DDIT4L: variants seen among roughly 807,000 people sequenced by gnomAD.
The protein encoded by DDIT4L is DNA damage inducible transcript 4 like.
A neutral mutation model predicts 15.9 loss-of-function variants in DDIT4L; 13 were observed. The observed-to-expected ratio is 0.82, with a 90% CI of 0.53 to 1.30. DDIT4L has a LOEUF of 1.30. Ranked by LOEUF, DDIT4L falls within the 50% of genes most tolerant of loss-of-function variation. The pLI, the probability that DDIT4L is intolerant of heterozygous loss-of-function variation, is 0.00. For missense variants in DDIT4L, 235 were observed against 224.8 expected (o/e 1.05, Z -0.29); for synonymous variants, 82 against 85.4 (o/e 0.96, Z 0.22).
At chr4:100,188,624 G>C (rs1304846959) in intron 2 of DDIT4L, among the ~76,000 whole-genome samples, 1 of 152,058 alleles carries the variant, frequency 6.6e-6, no homozygotes, top group African/African-American at 2.4e-5. Context: ...TGGACTAAGG[G>C]GTTGTTACTT....
At chr4:100,189,482 G>C (rs1723478726) in intron 2 of DDIT4L, among the ~76,000 whole-genome samples, 1 of 152,176 alleles carries the variant, frequency 6.6e-6, no homozygotes, top group Non-Finnish European at 1.5e-5. Context: ...AACTAACTTG[G>C]AATGATAAAA....
intron 1 of DDIT4L, 63 bp downstream of exon 1, chr4:100,190,240 C>A: frequency 2.1e-6 from 1 of 480,830 alleles, no homozygotes; most frequent in Middle Eastern, 5.6e-4. Flanking sequence ...AACTTGGAAG[C>A]GACCTGCCCC....
At position 100,185,962 on chromosome 4, in the gene DDIT4L, C is replaced by G. The variant is rs1161326796; in HGVS notation, c.*1715G>C. On this transcript the variant is annotated 3_prime_UTR_variant, in exon 3 of 3. Coordinates refer to ENST00000273990, the MANE Select transcript of DDIT4L (RefSeq NM_145244.4). ...TTTAACAGCCTTCCATAAGCCATCA[C>G]CATTTTGTAAGCATAACAGGCAAGA... 6.6e-6 allele frequency: 1 copy of G among 152,218 alleles called. No individual in the cohort carries two copies. Among genetic ancestry groups the G allele is most frequent in the Non-Finnish European group, 1.5e-5 (1 of 68,032 alleles). 9.4% of individuals were successfully genotyped at this position (152,218 alleles called of 1,614,324 possible). A position where few individuals can be genotyped will look rare whatever the true frequency, so the allele number is the denominator to read the frequency against.
chr4:100,187,034 C>T lies in DDIT4L; in HGVS notation c.*643G>A, dbSNP rs11726650. The T allele has an allele frequency of 0.43, 65,239 of 152,000 alleles. 14,491 individuals are homozygous for T. The highest frequency in any genetic ancestry group is 0.54 in the East Asian group (2,773 of 5,150). 9.4% of individuals were successfully genotyped at this position (152,000 alleles called of 1,614,324 possible). On this transcript the variant is annotated 3_prime_UTR_variant, in exon 3 of 3. Transcript: ENST00000273990. ...CACCGTGGTTACTGAAATGGCACCA[C>T]AAGCTTTTGTTGCCTCTTTAAAACA...
In DDIT4L at chr4:100,190,289, G is replaced by T. The variant is rs1014498399; in HGVS notation, c.-50+14C>A. On this transcript the variant is annotated intron_variant, in intron 1 of 2. Transcript: ENST00000273990. ...CGGCCCCGCTGCCCCCACCAAGGCC[G>T]CAGCTTCGCTCACCTGCCAGGAGTT... 3 of 375,048 alleles carry T rather than the reference G, an allele frequency of 8.0e-6. No homozygotes were observed. The highest frequency in any genetic ancestry group is 4.6e-5 in the Admixed American group (1 of 21,632). The allele number at this position is 375,048 out of a possible 1,614,324, so 23.2% of individuals were successfully genotyped here. A position where few individuals can be genotyped will look rare whatever the true frequency, so the allele number is the denominator to read the frequency against.
In DDIT4L at chr4:100,186,910, C is replaced by A. The variant is rs187515719; in HGVS notation, c.*767G>T. ...CAATGGAAGAGTAATCAACTACACACAAAAATATCAGTTCAATATTTTGCA... is the reference window on the plus strand; with the variant it reads ...CAATGGAAGAGTAATCAACTACACAAAAAAATATCAGTTCAATATTTTGCA... On this transcript the variant is annotated 3_prime_UTR_variant, in exon 3 of 3. Transcript: ENST00000273990. The A allele has an allele frequency of 2.6e-5, 4 of 152,246 alleles. No homozygotes were observed. The highest frequency in any genetic ancestry group is 4.4e-5 in the Non-Finnish European group (3 of 68,004). 9.4% of individuals were successfully genotyped at this position (152,246 alleles called of 1,614,324 possible).
chr4:100,185,976 T>A lies in DDIT4L; in HGVS notation c.*1701A>T, dbSNP rs975455297. 2 of 152,232 alleles carry A rather than the reference T, an allele frequency of 1.3e-5. No individual in the cohort carries two copies. The highest frequency in any genetic ancestry group is 4.8e-5 in the African/African-American group (2 of 41,454). The allele number at this position is 152,232 out of a possible 1,614,324, so 9.4% of individuals were successfully genotyped here. ...ATAAGCCATCACCATTTTGTAAGCA[T>A]AACAGGCAAGAGAGTCAAAGATAAC... On this transcript the variant is annotated 3_prime_UTR_variant, in exon 3 of 3. Coordinates refer to ENST00000273990, the MANE Select transcript of DDIT4L (RefSeq NM_145244.4).
rs781368736 is a variant in DDIT4L, at chr4:100,187,696, G to A, written c.563C>T (p.Thr188Ile). The change falls in exon 3 of 3, where the codon ACA (threonine) becomes ATA (isoleucine). Residue 188 changes from threonine (T) to isoleucine (I), a missense_variant. Physicochemically the swap from Thr to Ile is moderately conservative, Grantham distance 89 (BLOSUM62 -1). Transcript: ENST00000273990. The part of the protein sequence containing the change: ...KKKLYSLIGT[T>I]VIEGS ...CCCTTTTTAGGACCCTTCAATCACTGTTGTTCCAATCAGTGAGTAAAGTTT... is the reference window on the plus strand; with the variant it reads ...CCCTTTTTAGGACCCTTCAATCACTATTGTTCCAATCAGTGAGTAAAGTTT... 1.9e-6 allele frequency: 3 copies of A among 1,605,344 alleles called. No homozygotes were observed. The highest frequency in any genetic ancestry group is 1.1e-5 in the South Asian group (1 of 88,748).
chr4:100,190,292 G>C lies in DDIT4L; in HGVS notation c.-50+11C>G. On this transcript the variant is annotated intron_variant, in intron 1 of 2. Coordinates refer to ENST00000273990, the MANE Select transcript of DDIT4L (RefSeq NM_145244.4). ...CCCCGCTGCCCCCACCAAGGCCGCA[G>C]CTTCGCTCACCTGCCAGGAGTTCGC... 1 of 372,630 alleles carries C rather than the reference G, an allele frequency of 2.7e-6. No individual in the cohort carries two copies. The allele number at this position is 372,630 out of a possible 1,614,324, so 23.1% of individuals were successfully genotyped here.
rs576221446 is a variant in DDIT4L, at chr4:100,189,149, G to T, written c.91+744C>A. 4.6e-5 allele frequency among the ~76,000 whole-genome samples: 7 copies of T among 152,336 alleles called. No individual in the cohort carries two copies. In the South Asian group the frequency reaches 1.2e-3, roughly 27 times the overall value. ...GTCATCAACCACTTCACCTTGAAAG[G>T]AGAAAAACACGAAGAGCTTAAGCAG... On this transcript the variant is annotated intron_variant, in intron 2 of 2. Coordinates refer to ENST00000273990, the MANE Select transcript of DDIT4L (RefSeq NM_145244.4).
At position 100,187,832 on chromosome 4, in the gene DDIT4L, C is replaced by T; in HGVS notation, c.427G>A (p.Glu143Lys). 6.2e-7 allele frequency: 1 copy of T among 1,613,774 alleles called. No individual in the cohort carries two copies. Among genetic ancestry groups the T allele is most frequent in the Non-Finnish European group, 8.5e-7 (1 of 1,179,948 alleles). ...CTGAAGCTAGTCCATGAGCAGTTCT[C>T]CTGCTTAAACACAAGTGTAAGCTCA... ...TFELTLVFKQ[E>K]NCSWTSFRDF... The change falls in exon 3 of 3, where the codon GAG becomes AAG. Residue 143 changes from glutamate (E) to lysine (K), a missense_variant. By Grantham distance (56) the Glu-to-Lys change is moderately conservative. Coordinates refer to ENST00000273990, the MANE Select transcript of DDIT4L (RefSeq NM_145244.4).
At chr4:100,189,384 A>G (rs1723476946) in intron 2 of DDIT4L, among the ~76,000 whole-genome samples, 1 of 152,244 alleles carries the variant, frequency 6.6e-6, no homozygotes, top group Non-Finnish European at 1.5e-5. Flanking sequence ...AGCAACGGAC[A>G]TAAAAGAATC....
In DDIT4L at chr4:100,189,949, G is replaced by A. The variant is rs1280604315; in HGVS notation, c.35C>T (p.Pro12Leu). 1 of 1,614,036 alleles carries A rather than the reference G, an allele frequency of 6.2e-7. No homozygotes were observed. Among genetic ancestry groups the A allele is most frequent in the Non-Finnish European group, 8.5e-7 (1 of 1,180,032 alleles). Residue 12 changes from proline to leucine, a missense_variant, in exon 2 of 3, where the codon CCG becomes CTG. Coordinates refer to ENST00000273990, the MANE Select transcript of DDIT4L (RefSeq NM_145244.4). ...VATGSLSSKN[P>L]ASISELLDCG... ...GTCCAGCAATTCTGAAATGCTGGCC[G>A]GGTTCTTGCTGCTCAAACTGCCAGT...
chr4:100,187,715 A>G lies in DDIT4L; in HGVS notation c.544T>C (p.Tyr182His), dbSNP rs1416014511. 3.1e-6 allele frequency: 5 copies of G among 1,603,046 alleles called. No individual in the cohort carries two copies. Among genetic ancestry groups the G allele is most frequent in the South Asian group, 1.1e-5 (1 of 89,202 alleles). The change falls in exon 3 of 3, where the codon TAC becomes CAC. Residue 182 changes from tyrosine (Y) to histidine (H), a missense_variant. Tyr to His is a moderately conservative substitution (Grantham distance 83). Transcript: ENST00000273990. ...SGFRLVKKKL[Y>H]SLIGTTVIEG... is the part of the protein sequence containing the mutation. ...ATCACTGTTGTTCCAATCAGTGAGTAAAGTTTTTTCTTAACAAGTCGAAAT... is the reference window on the plus strand; with the variant it reads ...ATCACTGTTGTTCCAATCAGTGAGTGAAGTTTTTTCTTAACAAGTCGAAAT...
rs1322910616 is a variant in DDIT4L at position 100,186,939 on chromosome 4, T to C, written c.*738A>G. 1 of 152,220 alleles carries C rather than the reference T, an allele frequency of 6.6e-6. No individual in the cohort carries two copies. The highest frequency in any genetic ancestry group is 1.5e-5 in the Non-Finnish European group (1 of 68,048). 9.4% of individuals were successfully genotyped at this position (152,220 alleles called of 1,614,324 possible). ...AATATCAGTTCAATATTTTGCATTT[T>C]TCTAGTTTAAAGACAGTATTCAACA... On this transcript the variant is annotated 3_prime_UTR_variant, in exon 3 of 3. Coordinates refer to ENST00000273990, the MANE Select transcript of DDIT4L (RefSeq NM_145244.4).
chr4:100,189,613 A>G (rs7683140), intron 2 of DDIT4L, among the ~76,000 whole-genome samples: 52,699 of 152,098 alleles, frequency 0.35, 9,885 homozygotes, highest in African/African-American at 0.5. Flanking sequence ...TAAAACACAC[A>G]TAACTGTGTT....
intron 2 of DDIT4L, 118 bp from the exon 3 acceptor site, chr4:100,188,285 T>G: frequency 8.8e-7 from 1 of 1,135,454 alleles, no homozygotes; most frequent in Non-Finnish European, 1.2e-6. Context: ...TTTCTTGTAT[T>G]TGTTTCAGAG....
chr4:100,189,829 C>G (rs1723484568), intron 2 of DDIT4L, 64 bp downstream of exon 2: 2 of 1,517,434 alleles, frequency 1.3e-6, no homozygotes, highest in Non-Finnish European at 9.1e-7. Context: ...AAAGCCCGCC[C>G]ACCCAATAGA....
At chr4:100,190,223 T>C (rs1212974601) in intron 1 of DDIT4L, 80 bp downstream of exon 1, 2 of 510,604 alleles carry the variant, frequency 3.9e-6, no homozygotes, top group Non-Finnish European at 6.9e-6. Flanking sequence ...AACTCAACAG[T>C]TCGCAAAACT....
Sources: gnomAD v4.1 joint callset for allele counts (sites outside exome capture counted in the v4.1 genomes callset) on GRCh38, gnomAD v4.1.1 for gene constraint, MANE v1.5 for transcripts, NCBI Gene and HGNC (gene_info 2026-07-23, HGNC 2026-07-21) for gene names.